BPTF: variants seen among roughly 807,000 people sequenced by gnomAD.
The protein encoded by BPTF is nucleosome-remodeling factor subunit BPTF.
A neutral mutation model predicts 292.5 loss-of-function variants in BPTF; 18 were observed. That is an observed-to-expected ratio of 0.06 (90% CI 0.04 to 0.09). The LOEUF (loss-of-function observed/expected upper bound fraction) is 0.09. Ranked by LOEUF, BPTF falls within the 10% of genes least tolerant of loss-of-function variation. BPTF has a pLI of 1.00. For missense variants in BPTF, 2,726 were observed against 3,498.7 expected (o/e 0.78, Z 5.57); for synonymous variants, 1,225 against 1,251.9 (o/e 0.98, Z 0.45).
chr17:67,936,309 T>G (rs2064911414), intron 18 of BPTF, among the ~76,000 whole-genome samples: 1 of 152,200 alleles, frequency 6.6e-6, no homozygotes, highest in South Asian at 2.1e-4. Context: ...CAGGAACAAT[T>G]GATAAGATTT....
intron 18 of BPTF, among the ~76,000 whole-genome samples, chr17:67,934,519 CAAAA>C (rs947585458): frequency 7.4e-6 from 1 of 135,648 alleles, no homozygotes; most frequent in Admixed American, 7.5e-5. Context: ...AACTCTGTCT[CAAAA>C]AAAAAAAGAA....
At chr17:67,954,040 G>T (rs1211632103) in intron 23 of BPTF, among the ~76,000 whole-genome samples, 1 of 116,020 alleles carries the variant, frequency 8.6e-6, no homozygotes. Context: ...AGGCGGGAGT[G>T]CAGCGGTGCA....
At chr17:67,964,886 CT>C (rs1853735021) in intron 25 of BPTF, 1 of 149,160 alleles carries the variant, frequency 6.7e-6, no homozygotes, top group African/African-American at 2.5e-5. Flanking sequence ...GTAGTCCTAG[CT>C]ACTCCGGAGG....
chr17:67,887,068 A>G (rs1598433709), intron 4 of BPTF, among the ~76,000 whole-genome samples: 1 of 152,220 alleles, frequency 6.6e-6, no homozygotes, highest in African/African-American at 2.4e-5. Context: ...GCTTAATTGT[A>G]TATCAAAAGA....
chr17:67,946,709 A>G (rs998538370), intron 21 of BPTF, among the ~76,000 whole-genome samples: 1 of 152,268 alleles, frequency 6.6e-6, no homozygotes, highest in Non-Finnish European at 1.5e-5. Flanking sequence ...CATGTAGACT[A>G]TGCAAATTAT....
rs141167344 is a variant in BPTF, at chr17:67,854,499, C to T, written c.1173C>T (p.Asp391=). ...CTGAAGGGGTGATACAGTATGATGA[C>T]CATTGTAGGGTTTGTCACAAACTTG... ...LMSEGVIQYD[D]HCRVCHKLGD... Residue 391 remains aspartate, a synonymous_variant, in exon 2 of 28, where the codon GAC becomes GAT. Transcript: ENST00000306378. This position sits in a 1 kb window ranked among gnomAD's most constrained non-coding sequence, Gnocchi z 5.6. 7.4e-6 allele frequency: 12 copies of T among 1,614,114 alleles called. No homozygotes were observed. In the African/African-American group the frequency reaches 1.5e-4, roughly 20 times the overall value.
intron 2 of BPTF, among the ~76,000 whole-genome samples, chr17:67,856,535 T>G (rs1306847201): frequency 1.3e-5 from 2 of 152,222 alleles, no homozygotes; most frequent in Non-Finnish European, 2.9e-5. Context: ...TGTAGCCAGT[T>G]GGAAGCTCTG....
chr17:67,850,438 G>A (rs1446789527), intron 1 of BPTF, among the ~76,000 whole-genome samples: 4 of 152,092 alleles, frequency 2.6e-5, no homozygotes, highest in Non-Finnish European at 5.9e-5. Context: ...GCATGATCTC[G>A]GCTCACTGCA....
intron 22 of BPTF, 32 bp from the exon 23 acceptor site, chr17:67,948,049 C>T (rs1598847083): frequency 3.2e-6 from 5 of 1,580,940 alleles, no homozygotes; most frequent in African/African-American, 1.3e-5. Context: ...ATGAAACGCC[C>T]AGCATTACAT....
intron 26 of BPTF, among the ~76,000 whole-genome samples, chr17:67,968,738 A>G (rs1177769413): frequency 6.6e-6 from 1 of 150,796 alleles, no homozygotes; most frequent in African/African-American, 2.5e-5. Context: ...CAGTGAGCCA[A>G]GATTGTGCCA....
intron 17 of BPTF, among the ~76,000 whole-genome samples, chr17:67,931,264 C>CTAAA (rs1018858425): frequency 4.6e-5 from 7 of 151,880 alleles, no homozygotes; most frequent in East Asian, 1.9e-4. Flanking sequence ...GATTCTGTCT[C>CTAAA]TAAATAAATA....
Position 67,836,445 on chromosome 17 carries a change from G to A in BPTF, c.613+10108G>A, listed in dbSNP as rs571173706. On this transcript the variant is annotated intron_variant, in intron 1 of 27. Transcript: ENST00000306378. Reference sequence around the variant, plus strand: ...ATATTCTATTTATGGAAGTTAAGAAGTATTTCAGAAATGCATGTATTAATC... The same window carrying A: ...ATATTCTATTTATGGAAGTTAAGAAATATTTCAGAAATGCATGTATTAATC... 3.3e-5 allele frequency among the ~76,000 whole-genome samples: 5 copies of A among 152,252 alleles called. No homozygotes were observed. The East Asian group carries it at 5.8e-4, about 18-fold the overall frequency.
At chr17:67,857,877 TC>T (rs1413550903) in intron 2 of BPTF, among the ~76,000 whole-genome samples, 3 of 143,482 alleles carry the variant, frequency 2.1e-5, no homozygotes, top group Non-Finnish European at 4.5e-5. Context: ...AACCTCCATC[TC>T]CCAGGTTCAA....
At chr17:67,979,254 A>G (rs2070000341) in intron 27 of BPTF, among the ~76,000 whole-genome samples, 1 of 150,998 alleles carries the variant, frequency 6.6e-6, no homozygotes. Flanking sequence ...AGTAACGTAA[A>G]TAATGACATT....
At chr17:67,910,365 C>T (rs1001299001) in intron 10 of BPTF, among the ~76,000 whole-genome samples, 5 of 151,980 alleles carry the variant, frequency 3.3e-5, no homozygotes, top group African/African-American at 4.8e-5. Flanking sequence ...CTTCTCTTGG[C>T]GATATACCTA....
chr17:67,971,697 A>T (rs1388673128), intron 26 of BPTF, among the ~76,000 whole-genome samples: 2 of 151,800 alleles, frequency 1.3e-5, no homozygotes, highest in Non-Finnish European at 2.9e-5. Flanking sequence ...CCAGCTACTC[A>T]GGAAGCTGAG....
At chr17:67,848,774 G>A (rs2058211016) in intron 1 of BPTF, among the ~76,000 whole-genome samples, 1 of 152,092 alleles carries the variant, frequency 6.6e-6, no homozygotes, top group African/African-American at 2.4e-5. Context: ...ATAACTGCCA[G>A]GTCATTCTAA....
intron 4 of BPTF, among the ~76,000 whole-genome samples, chr17:67,876,287 T>G (rs9899296): frequency 0.1 from 15,444 of 152,228 alleles, 2,678 homozygotes; most frequent in African/African-American, 0.35. Flanking sequence ...AAGTAAGTTA[T>G]AGCACACCAA....
Position 67,854,869 on chromosome 17 carries a change from A to C in BPTF, c.1436+107A>C. The C allele has an allele frequency of 1.4e-6, 1 of 734,896 alleles. No individual in the cohort carries two copies. The highest frequency in any genetic ancestry group is 2.7e-5 in the East Asian group (1 of 37,026). 45.5% of individuals were successfully genotyped at this position (734,896 alleles called of 1,614,324 possible). On this transcript the variant is annotated intron_variant, in intron 2 of 27. Transcript: ENST00000306378. This position sits in a 1 kb window ranked among gnomAD's most constrained non-coding sequence, Gnocchi z 5.6. ...TGTTGATGTGGTATAAACCTTTGTAACTTAATAGTTATACAGTTAAATAAT... is the reference window on the plus strand; with the variant it reads ...TGTTGATGTGGTATAAACCTTTGTACCTTAATAGTTATACAGTTAAATAAT...
Sources: gnomAD v4.1 joint callset for allele counts (sites outside exome capture counted in the v4.1 genomes callset) on GRCh38, gnomAD v4.1.1 for gene constraint, Gnocchi (gnomAD v3.1) non-coding constraint, MANE v1.5 for transcripts, NCBI Gene and HGNC (gene_info 2026-07-23, HGNC 2026-07-21) for gene names.